The following TPGS2 variants were observed in gnomAD, a reference collection of about 807,000 sequenced individuals.
The protein encoded by TPGS2 is polyglutamylase subunit 2.
TPGS2 carries 26 observed loss-of-function variants against 31.1 expected under a neutral mutation model. That is an observed-to-expected ratio of 0.84 (90% CI 0.61 to 1.16). The LOEUF is 1.16. Ranked by LOEUF, TPGS2 falls within the 50% of genes most tolerant of loss-of-function variation. TPGS2 has a pLI of 0.00. For synonymous variants in TPGS2, 130 were observed against 136.6 expected, an observed-to-expected ratio of 0.95 and a Z score of 0.34; for missense variants, 351 against 363.8, an observed-to-expected ratio of 0.96 and a Z score of 0.29.
chr18:36,828,725 G>C lies in TPGS2; in HGVS notation c.43C>G (p.Pro15Ala). Residue 15 changes from proline to alanine, a missense_variant, in exon 1 of 7, where the codon CCG becomes GCG. Physicochemically the swap from Pro to Ala is conservative, Grantham distance 27. Transcript: ENST00000334295. Reference sequence around the variant, plus strand: ...CCCAGGGTCAGCTTCTCCAGGTGCGGCTTGCTGCAGCCCAGCCCCGGGGAC... The same window carrying C: ...CCCAGGGTCAGCTTCTCCAGGTGCGCCTTGCTGCAGCCCAGCCCCGGGGAC... ...ASSPGLGCSK[P>A]HLEKLTLGIT... 1 of 1,614,090 alleles carries C rather than the reference G, an allele frequency of 6.2e-7. No homozygotes were observed. Among genetic ancestry groups the C allele is most frequent in the Non-Finnish European group, 8.5e-7 (1 of 1,180,006 alleles).
chr18:36,823,484 G>A (rs1313672652), intron 1 of TPGS2, among the ~76,000 whole-genome samples: 4 of 58,156 alleles, frequency 6.9e-5, no homozygotes, highest in Admixed American at 1.6e-4. Context: ...TTTTTGAGAC[G>A]GAGTCTCGCT....
intron 6 of TPGS2, chr18:36,798,025 G>T: frequency 2.8e-6 from 1 of 355,222 alleles, no homozygotes; most frequent in Non-Finnish European, 4.1e-6. Flanking sequence ...AAGTGTGCAT[G>T]CATGCTTTAT....
intron 6 of TPGS2, chr18:36,787,083 G>T: frequency 8.1e-7 from 1 of 1,232,614 alleles, no homozygotes. Flanking sequence ...AAGTTATCTG[G>T]TGCAGATGGA....
chr18:36,803,618 A>G (rs1013347586), intron 4 of TPGS2, among the ~76,000 whole-genome samples: 5 of 151,612 alleles, frequency 3.3e-5, no homozygotes, highest in African/African-American at 4.8e-5. Context: ...TCCTGAATCT[A>G]TTTTCCACTT....
At chr18:36,791,539 G>A (rs949880776), downstream of TPGS2, among the ~76,000 whole-genome samples, 2 of 152,186 alleles carry the variant, frequency 1.3e-5, no homozygotes, top group Non-Finnish European at 2.9e-5. Flanking sequence ...GAGTGGTTCA[G>A]GAGAGCAGGG....
intron 3 of TPGS2, among the ~76,000 whole-genome samples, chr18:36,806,721 C>T (rs2045152210): frequency 6.6e-6 from 1 of 151,678 alleles, no homozygotes; most frequent in East Asian, 1.9e-4. Flanking sequence ...TGTGGTGGCA[C>T]ATGCCTGTAA....
At chr18:36,787,202 G>T in intron 6 of TPGS2, 1 of 1,077,824 alleles carries the variant, frequency 9.3e-7, no homozygotes, top group Non-Finnish European at 1.2e-6. Flanking sequence ...GGGGCCTTGT[G>T]TTCCTCTGTG....
Position 36,818,944 on chromosome 18 carries a change from T to C in TPGS2, c.115A>G (p.Ile39Val), listed in dbSNP as rs1392601593. Residue 39 changes from isoleucine to valine, a missense_variant, in exon 2 of 7, where the codon ATC (isoleucine) becomes GTC (valine). Transcript: ENST00000334295. Reference protein sequence around the residue: ...ESSPGVTEVTIIEKPPAERHM... With the variant: ...ESSPGVTEVTVIEKPPAERHM... ...CGTTCAGCAGGAGGCTTTTCTATGA[T>C]GGTCACCTCAGTCACACCTGGGGAA... 1.2e-6 allele frequency: 2 copies of C among 1,613,678 alleles called. No homozygotes were observed. Among genetic ancestry groups the C allele is most frequent in the East Asian group, 2.2e-5 (1 of 44,894 alleles).
chr18:36,796,779 T>A lies in TPGS2; in HGVS notation c.*26A>T. ...TGCATGGAAACCACCACTCTGGAGC[T>A]GGTAGGGAGTTGGAGGGAGGGGTGC... On this transcript the variant is annotated 3_prime_UTR_variant, in exon 7 of 7. Transcript: ENST00000334295. 1 of 1,582,732 alleles carries A rather than the reference T, an allele frequency of 6.3e-7. No homozygotes were observed. Among genetic ancestry groups the A allele is most frequent in the Non-Finnish European group, 8.5e-7 (1 of 1,171,252 alleles).
downstream of TPGS2, among the ~76,000 whole-genome samples, chr18:36,792,516 CAG>C (rs2044349696): frequency 6.6e-6 from 1 of 152,190 alleles, no homozygotes; most frequent in South Asian, 2.1e-4. Flanking sequence ...GGAATAAAAA[CAG>C]ATTTTGAATT....
chr18:36,794,546 A>ATAAC lies in TPGS2; in HGVS notation c.*2255_*2258dup. 1 of 985,378 alleles carries ATAAC rather than the reference A, an allele frequency of 1.0e-6. No homozygotes were observed. Among genetic ancestry groups the ATAAC allele is most frequent in the South Asian group, 4.7e-5 (1 of 21,282 alleles). 61.0% of individuals were successfully genotyped at this position (985,378 alleles called of 1,614,324 possible). A position where few individuals can be genotyped will look rare whatever the true frequency, so the allele number is the denominator to read the frequency against. Reference sequence around the variant, plus strand: ...GGTATCTGCTGCAGTGGAAGATGACATAACTTCTCAACTCCCTTCTAACCT... The same window carrying ATAAC: ...GGTATCTGCTGCAGTGGAAGATGACATAACTAACTTCTCAACTCCCTTCTAACCT... On this transcript the variant is annotated 3_prime_UTR_variant, in exon 7 of 7. Transcript: ENST00000334295.
intron 1 of TPGS2, among the ~76,000 whole-genome samples, chr18:36,821,550 G>A (rs770327151): frequency 1.3e-4 from 20 of 152,204 alleles, no homozygotes; most frequent in Middle Eastern, 3.2e-3. Context: ...CTAAGCTTTG[G>A]GAAATTAATG....
At chr18:36,798,771 G>C (rs2044658449) in intron 5 of TPGS2, among the ~76,000 whole-genome samples, 162 bp from the exon 6 acceptor site, 1 of 152,064 alleles carries the variant, frequency 6.6e-6, no homozygotes, top group South Asian at 2.1e-4. Flanking sequence ...TAACCCTCCA[G>C]TCTCCTTCTC....
At chr18:36,798,672 T>C (rs1351796759) in intron 5 of TPGS2, 63 bp from the exon 6 acceptor site, 1 of 1,566,830 alleles carries the variant, frequency 6.4e-7, no homozygotes, top group Non-Finnish European at 8.7e-7. Context: ...TCTTTTTAAC[T>C]GTAAAAGGTT....
At chr18:36,781,890 G>A, downstream of TPGS2, 1 of 985,394 alleles carries the variant, frequency 1.0e-6, no homozygotes, top group Non-Finnish European at 1.2e-6. Flanking sequence ...CGAGAGTTGG[G>A]TCTGTACATT....
chr18:36,804,526 GC>G (rs1328848590), intron 4 of TPGS2, among the ~76,000 whole-genome samples: 1 of 152,142 alleles, frequency 6.6e-6, no homozygotes, highest in African/African-American at 2.4e-5. Context: ...TCTAGCCTCT[GC>G]CCCCGAACTT....
intron 6 of TPGS2, chr18:36,797,902 TAA>T: frequency 6.4e-6 from 1 of 156,512 alleles, no homozygotes. Flanking sequence ...ACAAGTGCCC[TAA>T]ATGTACTGAA....
At chr18:36,790,767 A>G (rs112325372), downstream of TPGS2, among the ~76,000 whole-genome samples, 3 of 152,128 alleles carry the variant, frequency 2.0e-5, no homozygotes, top group African/African-American at 7.2e-5. Flanking sequence ...TTTTTTCTCA[A>G]TTTTGCTTGT....
chr18:36,796,028 ACAT>A lies in TPGS2; in HGVS notation c.*774_*776del, dbSNP rs1224803068. On this transcript the variant is annotated 3_prime_UTR_variant, in exon 7 of 7. Transcript: ENST00000334295. ...GAAGATAATTGTGGAACGTGTACAA[ACAT>A]CATAACACAAAACTGGAAGCAAGAA... The A allele has an allele frequency of 1.1e-5, 11 of 985,348 alleles. No individual in the cohort carries two copies. Among genetic ancestry groups the A allele is most frequent in the Non-Finnish European group, 1.3e-5 (11 of 829,944 alleles). 61.0% of individuals were successfully genotyped at this position (985,348 alleles called of 1,614,324 possible).
Sources: gnomAD v4.1 joint callset for allele counts (sites outside exome capture counted in the v4.1 genomes callset) on GRCh38, gnomAD v4.1.1 for gene constraint, MANE v1.5 for transcripts, NCBI Gene and HGNC (gene_info 2026-07-23, HGNC 2026-07-21) for gene names.